SH3BP4: variants seen among roughly 807,000 people sequenced by gnomAD.
SH3BP4 encodes the protein SH3 domain binding protein 4, also known as SH3 domain-binding protein 4.
In SH3BP4, 33 loss-of-function variants were observed where a neutral mutation model predicts 65.5. That is an observed-to-expected ratio of 0.50 (90% CI 0.38 to 0.67). The LOEUF is 0.67. Ranked by LOEUF, SH3BP4 falls within the 30% of genes least tolerant of loss-of-function variation. The pLI, the probability that SH3BP4 is intolerant of heterozygous loss-of-function variation, is 0.00. For missense variants in SH3BP4, 1,134 were observed against 1,261.4 expected (o/e 0.90, Z 1.53); for synonymous variants, 552 against 545.5 (o/e 1.01, Z -0.17).
intron 2 of SH3BP4, among the ~76,000 whole-genome samples, chr2:235,025,622 A>G (rs999572185): frequency 6.6e-6 from 1 of 152,248 alleles, no homozygotes; most frequent in Non-Finnish European, 1.5e-5. Flanking sequence ...AAAATTATAA[A>G]GACAGAGCAG....
At chr2:235,020,278 T>G (rs1369125235) in intron 2 of SH3BP4, among the ~76,000 whole-genome samples, 1 of 152,192 alleles carries the variant, frequency 6.6e-6, no homozygotes, top group African/African-American at 2.4e-5. Flanking sequence ...AGCAGATCAC[T>G]TGAGGTCAGG....
chr2:235,038,383 ATATAT>A lies in SH3BP4; in HGVS notation c.119-2504_119-2500del, dbSNP rs1393876117. On this transcript the variant is annotated intron_variant, in intron 3 of 5. Transcript: ENST00000392011. Reference sequence around the variant, plus strand: ...ATATATATAATATATATACATATATATATATATATATATATATATATATATATATA... The same window carrying A: ...ATATATATAATATATATACATATATAATATATATATATATATATATATATA... Among the ~76,000 whole-genome samples, 13 of 17,298 alleles carry A rather than the reference ATATAT, an allele frequency of 7.5e-4. 1 individual carries two copies. The highest frequency in any genetic ancestry group is 1.4e-3 in the Non-Finnish European group (12 of 8,316). The allele number at this position is 17,298 out of a possible 152,430, so 11.3% of individuals were successfully genotyped here.
chr2:235,002,954 G>A (rs891586705), intron 2 of SH3BP4, among the ~76,000 whole-genome samples: 2 of 152,244 alleles, frequency 1.3e-5, no homozygotes, highest in African/African-American at 2.4e-5. Context: ...TGCTGATTCC[G>A]TTCTGCCTTT....
intron 3 of SH3BP4, among the ~76,000 whole-genome samples, chr2:235,040,421 C>T (rs1050235491): frequency 5.9e-5 from 9 of 151,636 alleles, no homozygotes; most frequent in African/African-American, 2.2e-4. Flanking sequence ...CATGTCATTG[C>T]GGGAGTTTTT....
At chr2:234,989,819 G>A (rs1424507698) in intron 1 of SH3BP4, among the ~76,000 whole-genome samples, 2 of 152,156 alleles carry the variant, frequency 1.3e-5, no homozygotes, top group Non-Finnish European at 2.9e-5. Context: ...AAGATAGGTG[G>A]CCAGGTTGGA....
chr2:235,036,146 T>C (rs1191656250), intron 3 of SH3BP4, among the ~76,000 whole-genome samples: 1 of 152,212 alleles, frequency 6.6e-6, no homozygotes, highest in Non-Finnish European at 1.5e-5. Context: ...ATTGAGTAGC[T>C]TCTCCTTCCC....
At chr2:235,021,862 A>G (rs988600178) in intron 2 of SH3BP4, among the ~76,000 whole-genome samples, 1 of 152,200 alleles carries the variant, frequency 6.6e-6, no homozygotes, top group African/African-American at 2.4e-5. Context: ...CATTAAGATG[A>G]CATCACATGA....
chr2:234,987,019 G>A (rs563067932), intron 1 of SH3BP4, among the ~76,000 whole-genome samples: 6 of 151,988 alleles, frequency 3.9e-5, no homozygotes, highest in South Asian at 2.1e-4. Flanking sequence ...GGATCCACCC[G>A]TCTTGGCCTC....
chr2:235,052,446 A>C lies in SH3BP4; in HGVS notation c.2479-116A>C. ...GGGGACATTTGGTAGTAGGCCAGGG[A>C]ACATGGAGAATAGAGAGCCCATGGC... On this transcript the variant is annotated intron_variant, in intron 4 of 5. Transcript: ENST00000392011. This position sits in a 1 kb window ranked among gnomAD's most constrained non-coding sequence, Gnocchi z 5.0. 1.4e-6 allele frequency: 1 copy of C among 738,574 alleles called. No individual in the cohort carries two copies. The allele number at this position is 738,574 out of a possible 1,614,324, so 45.8% of individuals were successfully genotyped here. A position where few individuals can be genotyped will look rare whatever the true frequency, so the allele number is the denominator to read the frequency against.
At chr2:235,044,925 G>C (rs1188764207) in intron 4 of SH3BP4, among the ~76,000 whole-genome samples, 1 of 152,224 alleles carries the variant, frequency 6.6e-6, no homozygotes, top group African/African-American at 2.4e-5. Flanking sequence ...GGCCGTCAGG[G>C]GGGCCACCTT....
chr2:235,024,571 C>T (rs1049165678), intron 2 of SH3BP4, among the ~76,000 whole-genome samples: 9 of 152,152 alleles, frequency 5.9e-5, no homozygotes, highest in African/African-American at 2.2e-4. Context: ...GCCTCCCCCT[C>T]TCCAGCCTCT....
At position 235,052,593 on chromosome 2, in the gene SH3BP4, TG is replaced by T; in HGVS notation, c.2512del (p.Val838SerfsTer10). 1 of 1,553,382 alleles carries T rather than the reference TG, an allele frequency of 6.4e-7. No homozygotes were observed. The highest frequency in any genetic ancestry group is 8.7e-7 in the Non-Finnish European group (1 of 1,148,282). Reference sequence around the variant, plus strand: ...CTGAAGATGGACTGCCAGGGCCTGGTGGTCAGACTCATCCAGGACTTTGTGC... The same window carrying T: ...CTGAAGATGGACTGCCAGGGCCTGGTGTCAGACTCATCCAGGACTTTGTGC... ...ALLKMDCQGL[V>X]VRLIQDFVLL... On this transcript the variant is annotated frameshift_variant, in exon 5 of 6. Transcript: ENST00000392011. LOFTEE classifies it high-confidence loss of function. The surrounding 1 kb of genome is among the most constrained non-coding windows in gnomAD (Gnocchi z 5.0).
At chr2:234,958,349 C>T (rs1221064564) in intron 1 of SH3BP4, among the ~76,000 whole-genome samples, 1 of 152,036 alleles carries the variant, frequency 6.6e-6, no homozygotes, top group Non-Finnish European at 1.5e-5. Context: ...CAGAGCCAGC[C>T]ATGGTGAGCG....
intron 2 of SH3BP4, among the ~76,000 whole-genome samples, chr2:235,015,355 A>C (rs1694657255): frequency 6.6e-6 from 1 of 152,172 alleles, no homozygotes; most frequent in Non-Finnish European, 1.5e-5. Flanking sequence ...ACCTCTGCAG[A>C]AGGCTCAACT....
At chr2:234,959,668 T>C (rs1397550240) in intron 1 of SH3BP4, among the ~76,000 whole-genome samples, 11 of 151,970 alleles carry the variant, frequency 7.2e-5, no homozygotes, top group Non-Finnish European at 1.6e-4. Flanking sequence ...TTTTTTTTTT[T>C]TTTGAGACGG....
At chr2:234,963,333 T>G (rs1340674779) in intron 1 of SH3BP4, among the ~76,000 whole-genome samples, 1 of 152,222 alleles carries the variant, frequency 6.6e-6, no homozygotes, top group Non-Finnish European at 1.5e-5. Context: ...ATGAAGAACT[T>G]ATAATTATAT....
chr2:235,029,587 GGTAGCT>G (rs57691515), intron 2 of SH3BP4, among the ~76,000 whole-genome samples: 17,623 of 152,198 alleles, frequency 0.12, 2,573 homozygotes, highest in African/African-American at 0.34. Flanking sequence ...TGCCTGGGAA[GGTAGCT>G]AATGTATGTT....
At position 235,026,992 on chromosome 2, in the gene SH3BP4, G is replaced by T. The variant is rs1559249093; in HGVS notation, c.-132-7879G>T. Among the ~76,000 whole-genome samples the T allele has an allele frequency of 6.6e-6, 1 of 152,230 alleles. No homozygotes were observed. The highest frequency in any genetic ancestry group is 6.5e-5 in the Admixed American group (1 of 15,292). On this transcript the variant is annotated intron_variant, in intron 2 of 5. Transcript: ENST00000392011. The surrounding 1 kb of genome is among the most constrained non-coding windows in gnomAD (Gnocchi z 4.6). ...TCAGGCACGTTCAGGGTGATATGAC[G>T]ATAGACAGTGCTCCAGGAGCATTAG...
intron 1 of SH3BP4, among the ~76,000 whole-genome samples, chr2:234,963,141 A>G (rs1158828740): frequency 6.6e-6 from 1 of 152,168 alleles, no homozygotes; most frequent in Non-Finnish European, 1.5e-5. Flanking sequence ...TTTTCATGTC[A>G]GGTTTGTATA....
Sources: allele counts gnomAD v4.1 joint callset (sites outside exome capture counted in the v4.1 genomes callset), GRCh38; gene constraint gnomAD v4.1.1; non-coding constraint Gnocchi (gnomAD v3.1); transcripts MANE v1.5; gene names NCBI Gene and HGNC (gene_info 2026-07-23, HGNC 2026-07-21).